PHF21B: variants seen among roughly 807,000 people sequenced by gnomAD.
PHF21B encodes the protein PHD finger protein 4.
In PHF21B, 22 loss-of-function variants were observed where a neutral mutation model predicts 62.2. The ratio of observed to expected loss-of-function variants is 0.35; its 90% confidence interval spans 0.25 to 0.51. PHF21B has a LOEUF of 0.51. Ranked by LOEUF, PHF21B falls within the 20% of genes least tolerant of loss-of-function variation. The probability of loss-of-function intolerance (pLI) is 0.97; values close to 1 mark genes in which losing one functional copy is unlikely to be tolerated. For synonymous variants in PHF21B, 341 were observed against 314.7 expected (o/e 1.08, Z -0.88); for missense variants, 701 against 707.9 (o/e 0.99, Z 0.11).
intron 2 of PHF21B, among the ~76,000 whole-genome samples, chr22:44,945,513 A>G (rs1032888278): frequency 2.0e-5 from 3 of 152,202 alleles, no homozygotes; most frequent in African/African-American, 7.2e-5. Context: ...TTCCCAGCAC[A>G]GTGCCCACAC....
At chr22:44,954,211 GGAAAATACTTTTGCAAGCA>G (rs2147397267) in intron 2 of PHF21B, among the ~76,000 whole-genome samples, 1 of 152,258 alleles carries the variant, frequency 6.6e-6, no homozygotes, top group Non-Finnish European at 1.5e-5. Context: ...AAATCCCCTT[GGAAAATACTTTTGCAAGCA>G]CCCAGTGCTT....
rs942007787 is a variant in PHF21B at position 45,004,934 on chromosome 22, G to A, written c.120+3611C>T. On this transcript the variant is annotated intron_variant, in intron 2 of 12. Transcript: ENST00000313237. ...CTCACCTCCGGGGTCCTTCTCATGA[G>A]ACCACAGCAGCATGGACTGCGGTTC... 2.0e-4 allele frequency among the ~76,000 whole-genome samples: 30 copies of A among 152,232 alleles called. 1 individual carries two copies. The highest frequency in any genetic ancestry group is 1.7e-3 in the Admixed American group (26 of 15,286).
At chr22:44,978,332 A>G (rs1434350477) in intron 2 of PHF21B, among the ~76,000 whole-genome samples, 1 of 152,130 alleles carries the variant, frequency 6.6e-6, no homozygotes, top group Admixed American at 6.5e-5. Flanking sequence ...AGAAACAAAA[A>G]GGACTCTCCC....
At chr22:44,940,571 G>A (rs144368104) in intron 2 of PHF21B, among the ~76,000 whole-genome samples, 48 of 152,348 alleles carry the variant, frequency 3.2e-4, no homozygotes, top group Non-Finnish European at 5.6e-4. Flanking sequence ...CTGCCTAAAT[G>A]GCCCCCAGAG....
At position 44,913,907 on chromosome 22, in the gene PHF21B, C is replaced by A. The variant is rs370081683; in HGVS notation, c.746G>T (p.Arg249Leu). The A allele has an allele frequency of 1.2e-6, 2 of 1,613,560 alleles. No homozygotes were observed. Among genetic ancestry groups the A allele is most frequent in the Non-Finnish European group, 1.7e-6 (2 of 1,179,900 alleles). ...QTQPESTAESRPPTEEPSQGA... is the reference protein window; with the variant it reads ...QTQPESTAESLPPTEEPSQGA... ...CTGAGATGGCTCCTCTGTGGGCGGCCGCGACTCTGCCGTGCTCTCGGGCTG... is the reference window on the plus strand; with the variant it reads ...CTGAGATGGCTCCTCTGTGGGCGGCAGCGACTCTGCCGTGCTCTCGGGCTG... Residue 249 changes from arginine to leucine, a missense_variant, in exon 5 of 13, where the codon CGG (arginine) becomes CTG (leucine). Physicochemically the swap from Arg to Leu is moderately radical, Grantham distance 102 (BLOSUM62 -2). Transcript: ENST00000313237.
chr22:44,899,179 G>A (rs2071111284), intron 5 of PHF21B, among the ~76,000 whole-genome samples: 1 of 152,006 alleles, frequency 6.6e-6, no homozygotes, highest in South Asian at 2.1e-4. Flanking sequence ...ATCAGTTGGT[G>A]GATTTGCTGG....
At chr22:44,937,926 G>A (rs187034877) in intron 2 of PHF21B, among the ~76,000 whole-genome samples, 51 of 152,378 alleles carry the variant, frequency 3.3e-4, no homozygotes, top group Admixed American at 3.3e-3. Context: ...GGGACGCATC[G>A]CGCAGGTGCA....
Position 44,937,220 on chromosome 22 carries a change from T to C in PHF21B, c.121-16730A>G, listed in dbSNP as rs533687580. 1.6e-3 allele frequency among the ~76,000 whole-genome samples: 249 copies of C among 152,258 alleles called. 2 individuals carry two copies. Among genetic ancestry groups the C allele is most frequent in the African/African-American group, 5.6e-3 (233 of 41,552 alleles). ...GGATGAGAAAACTTTAACTCCATGGTAACATCAAAACACACCCAGACAAAA... is the reference window on the plus strand; with the variant it reads ...GGATGAGAAAACTTTAACTCCATGGCAACATCAAAACACACCCAGACAAAA... On this transcript the variant is annotated intron_variant, in intron 2 of 12. Transcript: ENST00000313237.
intron 2 of PHF21B, among the ~76,000 whole-genome samples, chr22:44,979,706 C>G (rs2072802304): frequency 6.6e-6 from 1 of 152,184 alleles, no homozygotes; most frequent in Non-Finnish European, 1.5e-5. Flanking sequence ...TTAAGCTGTG[C>G]CCAGTTTATG....
chr22:44,962,783 G>A (rs1292651741), intron 2 of PHF21B, among the ~76,000 whole-genome samples: 1 of 152,092 alleles, frequency 6.6e-6, no homozygotes, highest in African/African-American at 2.4e-5. Context: ...TCACGGAACG[G>A]TGGGGGATGG....
intron 2 of PHF21B, among the ~76,000 whole-genome samples, chr22:44,928,789 C>A (rs368008169): frequency 6.6e-6 from 1 of 152,174 alleles, no homozygotes; most frequent in Non-Finnish European, 1.5e-5. Flanking sequence ...CGCAGTGGGC[C>A]GTGTTTCCCA....
At chr22:44,993,030 G>A (rs2073065989) in intron 2 of PHF21B, among the ~76,000 whole-genome samples, 1 of 152,200 alleles carries the variant, frequency 6.6e-6, no homozygotes, top group Non-Finnish European at 1.5e-5. Flanking sequence ...TTGGTCAGAA[G>A]GGACACCTCC....
intron 2 of PHF21B, among the ~76,000 whole-genome samples, chr22:44,952,764 G>A (rs1202850168): frequency 6.6e-6 from 1 of 152,164 alleles, no homozygotes; most frequent in Non-Finnish European, 1.5e-5. Flanking sequence ...CTATAATTAT[G>A]AGCCTCCTCT....
At chr22:44,888,438 G>A (rs1420898366) in intron 9 of PHF21B, among the ~76,000 whole-genome samples, 2 of 152,104 alleles carry the variant, frequency 1.3e-5, no homozygotes, top group African/African-American at 4.8e-5. Flanking sequence ...CCCAGGTGCG[G>A]GCGACAAGGC....
chr22:44,885,112 G>T (rs1325527477), intron 12 of PHF21B, among the ~76,000 whole-genome samples: 2 of 152,260 alleles, frequency 1.3e-5, no homozygotes, highest in African/African-American at 2.4e-5. Context: ...CTTGCTGGGG[G>T]ATGCTTGGTG....
At chr22:44,947,567 C>G (rs1274372131) in intron 2 of PHF21B, among the ~76,000 whole-genome samples, 2 of 152,068 alleles carry the variant, frequency 1.3e-5, no homozygotes, top group African/African-American at 4.8e-5. Flanking sequence ...GCCCAGAGCA[C>G]TCACCGCAGC....
chr22:44,940,090 AAAGC>A lies in PHF21B; in HGVS notation c.121-19604_121-19601del, dbSNP rs369596738. Among the ~76,000 whole-genome samples the A allele has an allele frequency of 2.7e-3, 418 of 152,168 alleles. 6 individuals are homozygous for A. Among genetic ancestry groups the A allele is most frequent in the Middle Eastern group, 6.8e-3 (2 of 294 alleles). On this transcript the variant is annotated intron_variant, in intron 2 of 12. Coordinates refer to ENST00000313237, the MANE Select transcript of PHF21B (RefSeq NM_138415.5). ...TGGGCCTCAGTTTCCCCTTCTGTAA[AAAGC>A]AATCTGAAAGCAATCTGTGAAATGC...
chr22:44,885,812 G>A (rs984320905), intron 11 of PHF21B, 51 bp downstream of exon 11: 29 of 1,564,448 alleles, frequency 1.9e-5, no homozygotes, highest in Non-Finnish European at 2.3e-5. Flanking sequence ...AGGCCTGGGT[G>A]GGGGAGGAGG....
chr22:44,935,631 CAAAAA>C (rs136693), intron 2 of PHF21B, among the ~76,000 whole-genome samples: 1 of 150,526 alleles, frequency 6.6e-6, no homozygotes, highest in Non-Finnish European at 1.5e-5. Context: ...AACAAACAAA[CAAAAA>C]AAAAACAGAA....
Sources: allele counts gnomAD v4.1 joint callset (sites outside exome capture counted in the v4.1 genomes callset), GRCh38; gene constraint gnomAD v4.1.1; transcripts MANE v1.5; gene names NCBI Gene and HGNC (gene_info 2026-07-23, HGNC 2026-07-21).